ANGEL2: variants seen among roughly 807,000 people sequenced by gnomAD.
ANGEL2 encodes the protein RNA 2',3'-cyclic phosphatase ANGEL2.
In ANGEL2, 41 loss-of-function variants were observed where a neutral mutation model predicts 66.0. The ratio of observed to expected loss-of-function variants is 0.62; its 90% confidence interval spans 0.48 to 0.81. The LOEUF is 0.81. ANGEL2 is among the 30% of genes least tolerant of loss of function. The pLI, the probability that ANGEL2 is intolerant of heterozygous loss-of-function variation, is 0.00. For missense variants in ANGEL2, 561 were observed against 641.6 expected (o/e 0.87, Z 1.36); for synonymous variants, 208 against 226.5 (o/e 0.92, Z 0.73).
intron 7 of ANGEL2, among the ~76,000 whole-genome samples, chr1:212,999,622 C>A (rs553841674): frequency 6.6e-6 from 1 of 152,182 alleles, no homozygotes; most frequent in African/African-American, 2.4e-5. Context: ...TATAAAACAG[C>A]CACAATATAA....
At position 213,000,385 on chromosome 1, in the gene ANGEL2, T is replaced by C; in HGVS notation, c.1262-2A>G. 2 of 1,612,278 alleles carry C rather than the reference T, an allele frequency of 1.2e-6. No homozygotes were observed. The highest frequency in any genetic ancestry group is 2.7e-5 in the African/African-American group (2 of 74,992). On this transcript the variant is annotated splice_acceptor_variant, in intron 6 of 8. Coordinates refer to ENST00000366962, the MANE Select transcript of ANGEL2 (RefSeq NM_144567.5). LOFTEE classifies it high-confidence loss of function. Reference sequence around the variant, plus strand: ...GCTGTGTTTGTGTCAGATCACTGTCTGTAAGAATAGAGGAAAATATATTAA... The same window carrying C: ...GCTGTGTTTGTGTCAGATCACTGTCCGTAAGAATAGAGGAAAATATATTAA...
chr1:212,995,032 C>G lies in ANGEL2; in HGVS notation c.*9G>C, dbSNP rs1423732200. Reference sequence around the variant, plus strand: ...ATTGGAAAGAAAATTAGTATGTGATCAAAGAGAGTCAGAGCTCAAGTCTGA... The same window carrying G: ...ATTGGAAAGAAAATTAGTATGTGATGAAAGAGAGTCAGAGCTCAAGTCTGA... On this transcript the variant is annotated 3_prime_UTR_variant, in exon 9 of 9. Coordinates refer to ENST00000366962, the MANE Select transcript of ANGEL2 (RefSeq NM_144567.5). 30 of 1,592,872 alleles carry G rather than the reference C, an allele frequency of 1.9e-5. No individual in the cohort carries two copies. Among genetic ancestry groups the G allele is most frequent in the Non-Finnish European group, 2.4e-5 (28 of 1,170,926 alleles).
At chr1:212,997,066 TGGATGTTTAGAGA>T in intron 8 of ANGEL2, 76 bp downstream of exon 8, 1 of 1,195,298 alleles carries the variant, frequency 8.4e-7, no homozygotes, top group Non-Finnish European at 1.2e-6. Flanking sequence ...GAACTTCAAC[TGGATGTTTAGAGA>T]GCTTTCTTAA....
intron 8 of ANGEL2, 81 bp from the exon 9 acceptor site, chr1:212,995,273 A>G (rs2075965631): frequency 3.0e-6 from 4 of 1,327,332 alleles, no homozygotes; most frequent in African/African-American, 1.5e-5. Flanking sequence ...TTTTCTCCAA[A>G]CAAATATAGA....
chr1:213,000,942 T>A (rs1207587419), intron 5 of ANGEL2, 30 bp from the exon 6 acceptor site: 1 of 1,597,570 alleles, frequency 6.3e-7, no homozygotes, highest in Admixed American at 1.8e-5. Flanking sequence ...GTATCTTAAG[T>A]GAAAAGATTT....
rs1257439915 is a variant in ANGEL2 at position 213,005,086 on chromosome 1, A to G, written c.1081T>C (p.Tyr361His). The change falls in exon 5 of 9, where the codon TAT becomes CAT. Residue 361 changes from tyrosine (Y) to histidine (H), a missense_variant. Transcript: ENST00000366962. Reference protein sequence around the residue: ...DFNSVPGSPLYSFIKEGKLNY... With the variant: ...DFNSVPGSPLHSFIKEGKLNY... Reference sequence around the variant, plus strand: ...AATTTTCCTTCCTTTATGAAACTATATAGTGGAGAACCAGGAACAGAATTA... The same window carrying G: ...AATTTTCCTTCCTTTATGAAACTATGTAGTGGAGAACCAGGAACAGAATTA... 1 of 1,609,270 alleles carries G rather than the reference A, an allele frequency of 6.2e-7. No individual in the cohort carries two copies. Among genetic ancestry groups the G allele is most frequent in the South Asian group, 1.1e-5 (1 of 90,286 alleles).
At chr1:213,014,109 T>C (rs1180812948) in intron 1 of ANGEL2, among the ~76,000 whole-genome samples, 1 of 152,204 alleles carries the variant, frequency 6.6e-6, no homozygotes, top group Non-Finnish European at 1.5e-5. Context: ...ATTTAACCCA[T>C]CATCCAAAAC....
chr1:213,000,427 T>G (rs771589225), intron 6 of ANGEL2, 44 bp from the exon 7 acceptor site: 5 of 1,533,886 alleles, frequency 3.3e-6, no homozygotes, highest in Non-Finnish European at 4.5e-6. Flanking sequence ...TGTTCTAGTT[T>G]GCCTTAATAT....
chr1:213,011,010 G>A (rs574146577), intron 2 of ANGEL2, among the ~76,000 whole-genome samples: 2 of 152,228 alleles, frequency 1.3e-5, no homozygotes, highest in African/African-American at 4.8e-5. Context: ...CCAATCCCTG[G>A]CATGCTGGGA....
rs187280714 is a variant in ANGEL2, at chr1:213,001,100, A to G, written c.1135-188T>C. 123 of 551,856 alleles carry G rather than the reference A, an allele frequency of 2.2e-4. No individual in the cohort carries two copies. The African/African-American group carries it at 2.3e-3, about 10-fold the overall frequency. 34.2% of individuals were successfully genotyped at this position (551,856 alleles called of 1,614,324 possible). ...AAATACAATTCAGAAAGCACTTATCATTTACATAAAAATGACAATCTTTTT... is the reference window on the plus strand; with the variant it reads ...AAATACAATTCAGAAAGCACTTATCGTTTACATAAAAATGACAATCTTTTT... On this transcript the variant is annotated intron_variant, in intron 5 of 8. Coordinates refer to ENST00000366962, the MANE Select transcript of ANGEL2 (RefSeq NM_144567.5).
intron 8 of ANGEL2, among the ~76,000 whole-genome samples, chr1:212,996,264 G>A (rs377453573): frequency 3.3e-4 from 50 of 152,156 alleles, no homozygotes; most frequent in East Asian, 7.8e-4. Flanking sequence ...CTGAGATAGC[G>A]CCACTGCACT....
intron 8 of ANGEL2, among the ~76,000 whole-genome samples, chr1:212,996,125 G>A (rs1039407152): frequency 7.2e-5 from 11 of 152,082 alleles, no homozygotes; most frequent in African/African-American, 2.7e-4. Context: ...GGCCAACACG[G>A]TGAAATCCCG....
intron 5 of ANGEL2, among the ~76,000 whole-genome samples, chr1:213,003,894 C>T (rs1482744240): frequency 1.3e-5 from 2 of 152,084 alleles, no homozygotes; most frequent in African/African-American, 4.8e-5. Flanking sequence ...GAGAGATTAA[C>T]TCTTACAAAA....
intron 1 of ANGEL2, chr1:213,015,378 T>G: frequency 3.5e-6 from 5 of 1,413,150 alleles, no homozygotes; most frequent in Non-Finnish European, 4.6e-6. Context: ...GCCCATGAAC[T>G]CCGCGCCAAG....
chr1:213,000,389 A>T lies in ANGEL2; in HGVS notation c.1262-6T>A. The T allele has an allele frequency of 6.2e-7, 1 of 1,608,738 alleles. No homozygotes were observed. Among genetic ancestry groups the T allele is most frequent in the Non-Finnish European group, 8.5e-7 (1 of 1,175,922 alleles). On this transcript the variant is annotated splice_polypyrimidine_tract_variant and splice_region_variant and intron_variant, in intron 6 of 8. Coordinates refer to ENST00000366962, the MANE Select transcript of ANGEL2 (RefSeq NM_144567.5). The stretch of plus-strand genomic sequence containing the variant: ...TGTTTGTGTCAGATCACTGTCTGTA[A>T]GAATAGAGGAAAATATATTAATGTT...
intron 2 of ANGEL2, among the ~76,000 whole-genome samples, chr1:213,010,051 CA>C (rs57723014): frequency 0.098 from 5,030 of 51,266 alleles, 106 homozygotes; most frequent in Middle Eastern, 0.17. Flanking sequence ...GACTCCAACT[CA>C]AAAAAAAAAA....
At position 213,013,335 on chromosome 1, in the gene ANGEL2, T is replaced by G. The variant is rs1558193695; in HGVS notation, c.143A>C (p.Asn48Thr). The G allele has an allele frequency of 6.2e-7, 1 of 1,614,172 alleles. No individual in the cohort carries two copies. Among genetic ancestry groups the G allele is most frequent in the African/African-American group, 1.3e-5 (1 of 75,042 alleles). ...PWENLQRCCW[N>T]RHISSCMRWP... is the part of the protein sequence containing the mutation. Reference sequence around the variant, plus strand: ...CCTCATACAACTAGAAATATGTCTGTTCCAGCAACACCTTTGCAGATTCTC... The same window carrying G: ...CCTCATACAACTAGAAATATGTCTGGTCCAGCAACACCTTTGCAGATTCTC... Residue 48 changes from asparagine (N) to threonine (T), a missense_variant, in exon 2 of 9, where the codon AAC becomes ACC. Coordinates refer to ENST00000366962, the MANE Select transcript of ANGEL2 (RefSeq NM_144567.5).
intron 1 of ANGEL2, among the ~76,000 whole-genome samples, chr1:213,014,597 CAA>C: frequency 6.6e-6 from 1 of 152,318 alleles, no homozygotes; most frequent in African/African-American, 2.4e-5. Flanking sequence ...ACTTGTACTA[CAA>C]AAGCTATTAT....
At chr1:213,006,094 T>A (rs769759307) in intron 4 of ANGEL2, among the ~76,000 whole-genome samples, 2 of 152,222 alleles carry the variant, frequency 1.3e-5, no homozygotes, top group African/African-American at 4.8e-5. Flanking sequence ...GAAATTTTTT[T>A]AATCTTTTTT....
Sources: allele counts gnomAD v4.1 joint callset (sites outside exome capture counted in the v4.1 genomes callset), GRCh38; gene constraint gnomAD v4.1.1; transcripts MANE v1.5; gene names NCBI Gene and HGNC (gene_info 2026-07-23, HGNC 2026-07-21).